The following ANXA4 variants were observed in gnomAD, a reference collection of about 807,000 sequenced individuals.
The protein encoded by ANXA4 is 35-beta calcimedin.
ANXA4 carries 39 observed loss-of-function variants against 49.8 expected under a neutral mutation model. The observed-to-expected ratio is 0.78, with a 90% CI of 0.61 to 1.02. The LOEUF (loss-of-function observed/expected upper bound fraction) is 1.02. ANXA4 is among the 50% of genes least tolerant of loss of function. The probability of loss-of-function intolerance (pLI) is 0.00; values close to 1 mark genes in which losing one functional copy is unlikely to be tolerated. For synonymous variants in ANXA4, 134 were observed against 152.5 expected, an observed-to-expected ratio of 0.88 and a Z score of 0.89; for missense variants, 360 against 410.1, an observed-to-expected ratio of 0.88 and a Z score of 1.05.
In ANXA4 at chr2:69,645,676, G is replaced by A. The variant is rs1329466979; in HGVS notation, n.481+771G>A. On this transcript the variant is annotated intron_variant and non_coding_transcript_variant, in intron 1 of 3. Transcript: ENST00000418066. Reference sequence around the variant, plus strand: ...CCAATATGCTTAAGGTAGCTAACATGCATTTATTTAACACCCACGTGAATG... The same window carrying A: ...CCAATATGCTTAAGGTAGCTAACATACATTTATTTAACACCCACGTGAATG... Among the ~76,000 whole-genome samples the A allele has an allele frequency of 7.3e-4, 111 of 152,262 alleles. 2 individuals carry two copies. Among genetic ancestry groups the A allele is most frequent in the Non-Finnish European group, 1.5e-4 (10 of 68,024 alleles).
At chr2:69,760,200 T>G (rs1272831782) in intron 1 of ANXA4, among the ~76,000 whole-genome samples, 2 of 152,216 alleles carry the variant, frequency 1.3e-5, no homozygotes, top group African/African-American at 4.8e-5. Context: ...GCAGTTAGTC[T>G]TCATTTCTTT....
rs1320457014 is a variant in ANXA4, at chr2:69,812,621, A to T, written c.478-32A>T. The T allele has an allele frequency of 2.5e-6, 4 of 1,597,586 alleles. No individual in the cohort carries two copies. In the East Asian group the frequency reaches 6.7e-5, roughly 27 times the overall value. ...CCCCAGATCTTCATGTATACTCTCG[A>T]ATTATTTTTTATTTGTTTTTCTCAT... On this transcript the variant is annotated intron_variant, in intron 7 of 12. Transcript: ENST00000394295.
At chr2:69,736,261 C>T (rs1670241584) in intron 3 of ANXA4, among the ~76,000 whole-genome samples, 1 of 152,154 alleles carries the variant, frequency 6.6e-6, no homozygotes, top group Non-Finnish European at 1.5e-5. Flanking sequence ...TGGGACTGAA[C>T]ATATTGTTGC....
intron 2 of ANXA4, among the ~76,000 whole-genome samples, chr2:69,679,404 TC>T (rs1391366963): frequency 6.6e-6 from 1 of 152,232 alleles, no homozygotes; most frequent in Non-Finnish European, 1.5e-5. Context: ...TGGATATAAT[TC>T]CCTTGTGGGA....
intron 2 of ANXA4, among the ~76,000 whole-genome samples, chr2:69,718,272 G>A (rs1211027746): frequency 6.6e-6 from 1 of 152,056 alleles, no homozygotes; most frequent in African/African-American, 2.4e-5. Flanking sequence ...CCCCCCAGCT[G>A]GTCAGAATTC....
At chr2:69,752,680 G>T (rs1670894104) in intron 1 of ANXA4, among the ~76,000 whole-genome samples, 1 of 152,180 alleles carries the variant, frequency 6.6e-6, no homozygotes, top group Non-Finnish European at 1.5e-5. Flanking sequence ...GGGCAGGGAC[G>T]ATGCAGCCCC....
chr2:69,669,040 G>A lies in ANXA4; in HGVS notation n.766+15758G>A, dbSNP rs554658041. ...CAACCTCCGCCTCTCAGGTTCAAGT[G>A]ATTCTCCTGCCTCAGCCTCCCGAGT... On this transcript the variant is annotated intron_variant and non_coding_transcript_variant, in intron 2 of 3. Transcript: ENST00000418066. Among the ~76,000 whole-genome samples the A allele has an allele frequency of 4.6e-5, 7 of 151,364 alleles. 1 individual carries two copies. In the South Asian group the frequency reaches 1.5e-3, roughly 32 times the overall value.
chr2:69,738,541 C>G (rs539185860), upstream of ANXA4, among the ~76,000 whole-genome samples: 1 of 152,124 alleles, frequency 6.6e-6, no homozygotes, highest in South Asian at 2.1e-4. Flanking sequence ...AGGGATGGAG[C>G]CTAATCCCCT....
chr2:69,690,055 A>G (rs535458410), intron 2 of ANXA4, among the ~76,000 whole-genome samples: 125 of 152,256 alleles, frequency 8.2e-4, no homozygotes, highest in Non-Finnish European at 1.6e-3. Context: ...CACTCCATAT[A>G]TTCCTCGTTC....
At chr2:69,781,466 G>T in intron 1 of ANXA4, 54 bp from the exon 2 acceptor site, 11 of 1,445,518 alleles carry the variant, frequency 7.6e-6, no homozygotes, top group Non-Finnish European at 1.1e-5. Flanking sequence ...CCTGATTAAT[G>T]ATTTTAATGC....
chr2:69,715,689 A>G (rs1406609737), intron 2 of ANXA4, among the ~76,000 whole-genome samples: 1 of 152,274 alleles, frequency 6.6e-6, no homozygotes, highest in Non-Finnish European at 1.5e-5. Flanking sequence ...CATAGTTACT[A>G]TAAAGCCAGT....
rs55970370 is a variant in ANXA4, at chr2:69,663,293, C to CTTTTTTTTT, written n.766+10037_766+10045dup. Among the ~76,000 whole-genome samples the CTTTTTTTTT allele has an allele frequency of 3.7e-4, 16 of 42,838 alleles. 2 individuals are homozygous for CTTTTTTTTT. Among genetic ancestry groups the CTTTTTTTTT allele is most frequent in the South Asian group, 2.8e-3 (2 of 722 alleles). The allele number at this position is 42,838 out of a possible 152,430, so 28.1% of individuals were successfully genotyped here. A position where few individuals can be genotyped will look rare whatever the true frequency, so the allele number is the denominator to read the frequency against. ...ACAGGCGTGAGCCAATGCACCCGGC[C>CTTTTTTTTT]TTTTTTTTTTTTTTTTTTTTTTTTT... On this transcript the variant is annotated intron_variant and non_coding_transcript_variant, in intron 2 of 3. Transcript: ENST00000418066.
At chr2:69,701,566 A>G (rs1447803619) in intron 2 of ANXA4, among the ~76,000 whole-genome samples, 5 of 152,222 alleles carry the variant, frequency 3.3e-5, no homozygotes, top group Non-Finnish European at 5.9e-5. Flanking sequence ...GAATAGTATT[A>G]TATTCACTGT....
Position 69,711,415 on chromosome 2 carries a change from G to C in ANXA4, n.767-9359G>C, listed in dbSNP as rs527366943. 3.3e-5 allele frequency among the ~76,000 whole-genome samples: 5 copies of C among 152,288 alleles called. No individual in the cohort carries two copies. The East Asian group carries it at 5.8e-4, about 18-fold the overall frequency. On this transcript the variant is annotated intron_variant and non_coding_transcript_variant, in intron 2 of 3. Coordinates refer to the ANXA4 transcript ENST00000418066. ...GTAACAGCATAGATAAATCTCAAAA[G>C]CAGTGTGCTAAGGACAGAAACCAGG...
chr2:69,697,187 G>C (rs1573114539), intron 2 of ANXA4, among the ~76,000 whole-genome samples: 2 of 152,182 alleles, frequency 1.3e-5, no homozygotes, highest in African/African-American at 2.4e-5. Flanking sequence ...ATCTTAGCTA[G>C]ATCTTCTGGA....
intron 1 of ANXA4, among the ~76,000 whole-genome samples, chr2:69,772,790 G>A (rs1349482413): frequency 3.3e-5 from 5 of 152,164 alleles, no homozygotes; most frequent in South Asian, 4.1e-4. Context: ...AGGCCGAGGC[G>A]GGCAGATCAT....
chr2:69,654,696 A>G (rs1573056703), intron 2 of ANXA4, among the ~76,000 whole-genome samples: 1 of 152,226 alleles, frequency 6.6e-6, no homozygotes, highest in Non-Finnish European at 1.5e-5. Context: ...CCAGTATTTT[A>G]TTGAGGAATT....
At chr2:69,723,281 G>A (rs1175467140) in intron 3 of ANXA4, among the ~76,000 whole-genome samples, 2 of 151,944 alleles carry the variant, frequency 1.3e-5, no homozygotes, top group African/African-American at 2.4e-5. Context: ...TGATTCAGGG[G>A]GAGGTAAAAG....
chr2:69,748,335 C>T (rs549079305), intron 1 of ANXA4, among the ~76,000 whole-genome samples: 5 of 151,416 alleles, frequency 3.3e-5, no homozygotes, highest in East Asian at 3.9e-4. Context: ...GCCGAGATCA[C>T]GCCACTGCAC....
Sources: allele counts gnomAD v4.1 joint callset (sites outside exome capture counted in the v4.1 genomes callset), GRCh38; gene constraint gnomAD v4.1.1; transcripts MANE v1.5; gene names NCBI Gene and HGNC (gene_info 2026-07-23, HGNC 2026-07-21).